Variants in MFSD11 observed in about 807,000 individuals in gnomAD.
The protein encoded by MFSD11 is major facilitator superfamily domain containing 11.
In MFSD11, 36 loss-of-function variants were observed where a neutral mutation model predicts 53.5. The observed-to-expected ratio is 0.67, with a 90% CI of 0.52 to 0.89. The LOEUF is 0.89. Among genes scored for constraint, MFSD11 ranks in the 40% least tolerant of loss-of-function variants. MFSD11 has a pLI of 0.00. For synonymous variants in MFSD11, 186 were observed against 184.9 expected (o/e 1.01, Z -0.05); for missense variants, 530 against 543.9 (o/e 0.97, Z 0.25).
Position 76,776,529 on chromosome 17 carries a change from C to T in MFSD11, c.1173C>T (p.Phe391=). 1 of 1,613,920 alleles carries T rather than the reference C, an allele frequency of 6.2e-7. No homozygotes were observed. The highest frequency in any genetic ancestry group is 8.5e-7 in the Non-Finnish European group (1 of 1,179,984). The part of the protein sequence containing the change: ...SEDSAPAFAI[F]KFVQSICAAV... The stretch of plus-strand genomic sequence containing the variant: ...ACAGCGCCCCAGCATTTGCCATCTT[C>T]AAGTTTGTTCAGGTAACCTCTTCAG... The change falls in exon 12 of 13, where the codon TTC becomes TTT. Residue 391 remains phenylalanine (F), a synonymous_variant. Transcript: ENST00000685175. This position sits in a 1 kb window ranked among gnomAD's most constrained non-coding sequence, Gnocchi z 4.2.
chr17:76,773,131 CAG>C (rs1217797261), intron 10 of MFSD11: 2 of 152,290 alleles, frequency 1.3e-5, no homozygotes, highest in African/African-American at 4.8e-5. Flanking sequence ...GCTGAAGACT[CAG>C]GGGGACTGTC....
At chr17:76,783,834 G>A (rs145575290), downstream of MFSD11, among the ~76,000 whole-genome samples, 323 of 152,152 alleles carry the variant, frequency 2.1e-3, 10 homozygotes, top group East Asian at 0.056. Flanking sequence ...AAAATGCTGG[G>A]ATTACAGGCA....
chr17:76,754,683 C>CAAAAA (rs10667934), intron 8 of MFSD11, among the ~76,000 whole-genome samples: 1 of 119,380 alleles, frequency 8.4e-6, no homozygotes, highest in Non-Finnish European at 1.7e-5. Context: ...GACTCCATCT[C>CAAAAA]AAAAAAAAAA....
chr17:76,753,952 C>A, intron 7 of MFSD11, 95 bp from the exon 8 acceptor site: 2 of 1,051,436 alleles, frequency 1.9e-6, no homozygotes, highest in Non-Finnish European at 1.4e-6. Context: ...TGGTATAGGA[C>A]AGGGTTTTTA....
chr17:76,790,635 G>C, the MFSD11 span, among the ~76,000 whole-genome samples: 2 of 142,086 alleles, frequency 1.4e-5, 1 homozygote, highest in African/African-American at 5.2e-5. Context: ...CATATTTCTT[G>C]ATAAATATTG....
chr17:76,754,304 G>A (rs2079357259), intron 8 of MFSD11: 1 of 504,276 alleles, frequency 2.0e-6, no homozygotes, highest in East Asian at 3.4e-5. Flanking sequence ...CTGCCCAGGT[G>A]TGTGAGGGAA....
At chr17:76,746,387 C>T (rs935751573) in intron 7 of MFSD11, among the ~76,000 whole-genome samples, 10 of 152,230 alleles carry the variant, frequency 6.6e-5, no homozygotes, top group African/African-American at 2.4e-4. Flanking sequence ...GGAGAAGCTG[C>T]AGCAAGTTAT....
the MFSD11 span, among the ~76,000 whole-genome samples, chr17:76,791,343 ATGT>A: frequency 4.7e-5 from 7 of 149,032 alleles, no homozygotes; most frequent in Non-Finnish European, 8.9e-5. Flanking sequence ...CTTCCTGAAA[ATGT>A]TGTCAGATAT....
rs1458843330 is a variant in MFSD11 at position 76,776,073 on chromosome 17, G to A, written c.1050-333G>A. The stretch of plus-strand genomic sequence containing the variant: ...CGCTCACTGCAACCTCCACCTCCGG[G>A]GTTCAAGTGATTCTCGTGTCTCAGC... On this transcript the variant is annotated intron_variant, in intron 11 of 12. Coordinates refer to ENST00000685175, the MANE Select transcript of MFSD11 (RefSeq NM_001242532.5). This position sits in a 1 kb window ranked among gnomAD's most constrained non-coding sequence, Gnocchi z 4.2. 6.6e-6 allele frequency among the ~76,000 whole-genome samples: 1 copy of A among 152,260 alleles called. No individual in the cohort carries two copies. The highest frequency in any genetic ancestry group is 1.9e-4 in the East Asian group (1 of 5,192).
chr17:76,770,337 C>T (rs1417208389), intron 10 of MFSD11, among the ~76,000 whole-genome samples: 3 of 152,032 alleles, frequency 2.0e-5, no homozygotes, highest in Non-Finnish European at 1.5e-5. Context: ...CATGCCCGGC[C>T]TATTATTGCT....
chr17:76,749,431 A>G (rs1173918276), intron 7 of MFSD11, among the ~76,000 whole-genome samples: 2 of 151,924 alleles, frequency 1.3e-5, no homozygotes, highest in Non-Finnish European at 2.9e-5. Context: ...TGAGAGACTG[A>G]GGTGGGAGAA....
At chr17:76,778,094 G>A in intron 12 of MFSD11, 94 bp from the exon 13 acceptor site, 2 of 1,238,000 alleles carry the variant, frequency 1.6e-6, no homozygotes. Flanking sequence ...AGTTCCAGGT[G>A]TCCTTGGGGC....
upstream of MFSD11, chr17:76,737,521 TGGAG>T (rs1003296233): frequency 6.8e-6 from 2 of 294,752 alleles, no homozygotes. Flanking sequence ...GAGTCACGGC[TGGAG>T]GGAGGGGGAG....
chr17:76,776,053 A>G lies in MFSD11; in HGVS notation c.1050-353A>G, dbSNP rs1481379896. Among the ~76,000 whole-genome samples, 2 of 152,160 alleles carry G rather than the reference A, an allele frequency of 1.3e-5. No individual in the cohort carries two copies. The highest frequency in any genetic ancestry group is 2.9e-5 in the Non-Finnish European group (2 of 68,034). ...AATGCAAGTGGCGTGATCTCCGCTC[A>G]CTGCAACCTCCACCTCCGGGGTTCA... is the stretch of plus-strand genomic sequence containing the variant. On this transcript the variant is annotated intron_variant, in intron 11 of 12. Coordinates refer to ENST00000685175, the MANE Select transcript of MFSD11 (RefSeq NM_001242532.5). This position sits in a 1 kb window ranked among gnomAD's most constrained non-coding sequence, Gnocchi z 4.2.
At chr17:76,746,412 C>G (rs1404046672) in intron 7 of MFSD11, among the ~76,000 whole-genome samples, 1 of 152,208 alleles carries the variant, frequency 6.6e-6, no homozygotes, top group Non-Finnish European at 1.5e-5. Context: ...AAGATCTGGC[C>G]ATTATAATTG....
intron 7 of MFSD11, among the ~76,000 whole-genome samples, chr17:76,750,785 C>A (rs1568064630): frequency 1.3e-5 from 2 of 150,638 alleles, no homozygotes. Flanking sequence ...GTAGACTTGG[C>A]TATTAGGATA....
intron 9 of MFSD11, 78 bp downstream of exon 9, chr17:76,767,529 C>A: frequency 1.1e-6 from 1 of 907,968 alleles, no homozygotes; most frequent in Non-Finnish European, 1.8e-6. Flanking sequence ...GTTATTATTT[C>A]TCACAATTCT....
chr17:76,801,445 ATTTTTTT>A, the MFSD11 span, among the ~76,000 whole-genome samples: 1 of 106,958 alleles, frequency 9.3e-6, no homozygotes, highest in Non-Finnish European at 1.9e-5. Context: ...GCAGAGCAGC[ATTTTTTT>A]TTTTTTTTTT....
At position 76,755,812 on chromosome 17, in the gene MFSD11, A is replaced by ATT. The variant is rs552254902; in HGVS notation, c.682+1752_682+1753dup. Among the ~76,000 whole-genome samples the ATT allele has an allele frequency of 8.7e-4, 17 of 19,520 alleles. 3 individuals are homozygous for ATT. The highest frequency in any genetic ancestry group is 1.2e-3 in the Non-Finnish European group (12 of 10,336). The allele number at this position is 19,520 out of a possible 152,430, so 12.8% of individuals were successfully genotyped here. A position where few individuals can be genotyped will look rare whatever the true frequency, so the allele number is the denominator to read the frequency against. On this transcript the variant is annotated intron_variant, in intron 8 of 12. Coordinates refer to ENST00000685175, the MANE Select transcript of MFSD11 (RefSeq NM_001242532.5). ...TATACATATATATATATATATATATATTTTTTTTTTTTTTTTTTTTTTTTT... is the reference window on the plus strand; with the variant it reads ...TATACATATATATATATATATATATATTTTTTTTTTTTTTTTTTTTTTTTTTT...
Sources: allele counts gnomAD v4.1 joint callset (sites outside exome capture counted in the v4.1 genomes callset), GRCh38; gene constraint gnomAD v4.1.1; non-coding constraint Gnocchi (gnomAD v3.1); transcripts MANE v1.5; gene names NCBI Gene and HGNC (gene_info 2026-07-23, HGNC 2026-07-21).